The following TRPM3 variants were observed in gnomAD, a reference collection of about 807,000 sequenced individuals.
TRPM3 encodes transient receptor potential cation channel subfamily M member 3, also known as long transient receptor potential channel 3.
TRPM3 carries 77 observed loss-of-function variants against 181.2 expected under a neutral mutation model. The observed-to-expected ratio is 0.42, with a 90% CI of 0.35 to 0.51. The LOEUF is 0.51. Ranked by LOEUF, TRPM3 falls within the 20% of genes least tolerant of loss-of-function variation. TRPM3 has a pLI of 0.01. For missense variants in TRPM3, 1,759 were observed against 2,196.7 expected, an observed-to-expected ratio of 0.80 and a Z score of 3.98; for synonymous variants, 745 against 796.4, an observed-to-expected ratio of 0.94 and a Z score of 1.09.
chr9:71,399,526 G>GTTTT (rs1166936123), intron 1 of TRPM3, among the ~76,000 whole-genome samples: 22 of 62,718 alleles, frequency 3.5e-4, no homozygotes, highest in African/African-American at 6.7e-4. Flanking sequence ...ATTTTCTTTT[G>GTTTT]TTTTTTTTTT....
intron 1 of TRPM3, among the ~76,000 whole-genome samples, chr9:71,367,997 C>T (rs561993924): frequency 1.8e-5 from 2 of 110,446 alleles, no homozygotes; most frequent in East Asian, 3.1e-4. Context: ...TATGTGCACA[C>T]ACACATGTGA....
intron 6 of TRPM3, among the ~76,000 whole-genome samples, chr9:70,814,137 T>G (rs1312434939): frequency 6.6e-6 from 1 of 152,194 alleles, no homozygotes; most frequent in Non-Finnish European, 1.5e-5. Flanking sequence ...TTGCCACATC[T>G]TAAAAAGCTG....
chr9:70,596,246 C>T (rs944099794), intron 21 of TRPM3, among the ~76,000 whole-genome samples: 4 of 152,100 alleles, frequency 2.6e-5, no homozygotes, highest in African/African-American at 7.2e-5. Flanking sequence ...ATAAATTGCT[C>T]AATGTGTTAT....
intron 1 of TRPM3, among the ~76,000 whole-genome samples, chr9:70,938,140 G>A (rs1355769333): frequency 6.6e-6 from 1 of 152,138 alleles, no homozygotes; most frequent in Non-Finnish European, 1.5e-5. Flanking sequence ...CTTTTGTCTG[G>A]GGCAGAGGGA....
At chr9:70,906,890 T>A (rs1439414384) in intron 1 of TRPM3, among the ~76,000 whole-genome samples, 2 of 151,572 alleles carry the variant, frequency 1.3e-5, no homozygotes, top group Non-Finnish European at 2.9e-5. Context: ...GCAACAAGAG[T>A]GAAACTCCAT....
At chr9:71,168,533 GTGATTTATTTATTTATTTATTTAT>G (rs1379465616) in intron 1 of TRPM3, among the ~76,000 whole-genome samples, 2 of 82,100 alleles carry the variant, frequency 2.4e-5, no homozygotes, top group East Asian at 3.3e-4. Flanking sequence ...TTTTTAAGGT[GTGATTTATTTATTTATTTATTTAT>G]TTATTTATTT....
chr9:70,601,240 A>G (rs1391662169), intron 20 of TRPM3, among the ~76,000 whole-genome samples: 2 of 152,140 alleles, frequency 1.3e-5, no homozygotes, highest in African/African-American at 4.8e-5. Context: ...TCCAGATGAG[A>G]TAACGTCTAC....
chr9:71,259,399 A>G (rs919289225), intron 1 of TRPM3, among the ~76,000 whole-genome samples: 2 of 152,196 alleles, frequency 1.3e-5, no homozygotes, highest in African/African-American at 4.8e-5. Flanking sequence ...TCCTTTGGGT[A>G]TATACCCAGT....
chr9:70,608,333 G>GGACA (rs2061513854), intron 19 of TRPM3, among the ~76,000 whole-genome samples: 1 of 151,998 alleles, frequency 6.6e-6, no homozygotes, highest in South Asian at 2.1e-4. Flanking sequence ...AATTATTTAT[G>GGACA]GACACTAAAA....
intron 1 of TRPM3, among the ~76,000 whole-genome samples, chr9:71,327,710 C>T (rs943396135): frequency 1.3e-5 from 2 of 152,206 alleles, no homozygotes; most frequent in Non-Finnish European, 2.9e-5. Flanking sequence ...CCACTCTTTT[C>T]CTCCAACAGT....
intron 1 of TRPM3, among the ~76,000 whole-genome samples, chr9:71,269,042 C>A (rs1012323976): frequency 6.6e-6 from 1 of 152,016 alleles, no homozygotes; most frequent in Admixed American, 6.6e-5. Context: ...AGCAAGTACA[C>A]GGGGGCGGGC....
In TRPM3 at chr9:70,974,863, A is replaced by ATTTTTTTTTTTTTTTTTTT. The variant is rs1177545043; in HGVS notation, c.178-110371_178-110353dup. Among the ~76,000 whole-genome samples, 12 of 117,978 alleles carry ATTTTTTTTTTTTTTTTTTT rather than the reference A, an allele frequency of 1.0e-4. 1 individual carries two copies. Among genetic ancestry groups the ATTTTTTTTTTTTTTTTTTT allele is most frequent in the East Asian group, 2.8e-4 (1 of 3,608 alleles). 77.4% of individuals were successfully genotyped at this position (117,978 alleles called of 152,430 possible). A position where few individuals can be genotyped will look rare whatever the true frequency, so the allele number is the denominator to read the frequency against. On this transcript the variant is annotated intron_variant, in intron 1 of 25. Transcript: ENST00000677713. ...GTTCCACAGGAGTGATGGAACATCAATTTTTTTTTTTTTTTTTTTTGAGGT... is the reference window on the plus strand; with the variant it reads ...GTTCCACAGGAGTGATGGAACATCAATTTTTTTTTTTTTTTTTTTTTTTTTTTTTTTTTTTTTTTGAGGT...
chr9:71,254,172 G>A (rs12005021), intron 1 of TRPM3, among the ~76,000 whole-genome samples: 40,829 of 151,998 alleles, frequency 0.27, 6,465 homozygotes, highest in African/African-American at 0.44. Flanking sequence ...CCCACCTCAC[G>A]CTCCCAAAGT....
chr9:70,959,427 A>G (rs537390961), intron 1 of TRPM3, among the ~76,000 whole-genome samples: 9 of 151,978 alleles, frequency 5.9e-5, no homozygotes, highest in Non-Finnish European at 1.2e-4. Flanking sequence ...TTTGAATGAA[A>G]GAAATGGAAA....
chr9:70,984,949 G>A (rs1369759692), intron 1 of TRPM3, among the ~76,000 whole-genome samples: 1 of 152,164 alleles, frequency 6.6e-6, no homozygotes, highest in Non-Finnish European at 1.5e-5. Flanking sequence ...CTGAATCTTT[G>A]TCCTAGGTTC....
At chr9:70,834,284 G>T (rs2094151272) in intron 5 of TRPM3, among the ~76,000 whole-genome samples, 1 of 152,168 alleles carries the variant, frequency 6.6e-6, no homozygotes, top group Admixed American at 6.6e-5. Flanking sequence ...CCCTTAAGTT[G>T]CACACTGCAG....
At chr9:71,192,608 T>G (rs913341681) in intron 1 of TRPM3, among the ~76,000 whole-genome samples, 2 of 151,926 alleles carry the variant, frequency 1.3e-5, no homozygotes, top group African/African-American at 4.8e-5. Context: ...AATTGAGTTA[T>G]TTTATTTTGC....
At chr9:71,159,404 C>A (rs774106323) in intron 1 of TRPM3, among the ~76,000 whole-genome samples, 2 of 151,956 alleles carry the variant, frequency 1.3e-5, no homozygotes, top group Non-Finnish European at 2.9e-5. Flanking sequence ...AAATAAGGCT[C>A]GGCTACTCCA....
intron 1 of TRPM3, among the ~76,000 whole-genome samples, chr9:70,968,432 G>T (rs1417364795): frequency 6.6e-6 from 1 of 152,048 alleles, no homozygotes; most frequent in Non-Finnish European, 1.5e-5. Flanking sequence ...AATCAGTGCA[G>T]ATTCTCAGTT....
Sources: allele counts gnomAD v4.1 joint callset (sites outside exome capture counted in the v4.1 genomes callset), GRCh38; gene constraint gnomAD v4.1.1; transcripts MANE v1.5; gene names NCBI Gene and HGNC (gene_info 2026-07-23, HGNC 2026-07-21).